The following NELL1 variants were observed in gnomAD, a reference collection of about 807,000 sequenced individuals.
NELL1 encodes neural EGFL like 1.
Under a neutral mutation model 107.4 loss-of-function variants are expected in NELL1, and 76 were observed. That is an observed-to-expected ratio of 0.71 (90% CI 0.59 to 0.86). The LOEUF is 0.86. Among genes scored for constraint, NELL1 ranks in the 40% least tolerant of loss-of-function variants. NELL1 has a pLI of 0.00. For synonymous variants in NELL1, 353 were observed against 341.2 expected (o/e 1.03, Z -0.38); for missense variants, 1,024 against 1,005.5 (o/e 1.02, Z -0.25).
intron 2 of NELL1, among the ~76,000 whole-genome samples, chr11:20,766,518 A>G (rs1856531361): frequency 6.6e-6 from 1 of 152,156 alleles, no homozygotes. Context: ...TAAACAGAAG[A>G]TCTCACCATG....
At chr11:21,505,774 A>G (rs1189080262) in intron 15 of NELL1, among the ~76,000 whole-genome samples, 3 of 152,326 alleles carry the variant, frequency 2.0e-5, no homozygotes, top group East Asian at 3.9e-4. Flanking sequence ...CCCCTCTGCT[A>G]TAACACTTGG....
At chr11:21,320,064 C>A (rs906781178) in intron 14 of NELL1, among the ~76,000 whole-genome samples, 1 of 152,062 alleles carries the variant, frequency 6.6e-6, no homozygotes. Context: ...GATCACGGGA[C>A]TTCATACCTT....
chr11:20,703,780 G>A (rs1224076425), intron 2 of NELL1, among the ~76,000 whole-genome samples: 4 of 152,212 alleles, frequency 2.6e-5, no homozygotes, highest in African/African-American at 2.4e-5. Flanking sequence ...TCATTCAGGA[G>A]CAGGTTGTTC....
intron 9 of NELL1, among the ~76,000 whole-genome samples, chr11:20,931,617 A>G (rs149030157): frequency 5.1e-4 from 78 of 152,330 alleles, no homozygotes; most frequent in African/African-American, 1.8e-3. Flanking sequence ...TGTATCTTGT[A>G]TGAATAACTT....
intron 12 of NELL1, among the ~76,000 whole-genome samples, chr11:20,984,255 A>G (rs967627744): frequency 2.6e-5 from 4 of 152,202 alleles, no homozygotes; most frequent in African/African-American, 9.6e-5. Context: ...ACTGTTTGAT[A>G]CATATATTAT....
At chr11:21,182,815 G>A (rs1856856945) in intron 13 of NELL1, among the ~76,000 whole-genome samples, 1 of 151,744 alleles carries the variant, frequency 6.6e-6, no homozygotes. Context: ...GTTATCTGAG[G>A]GTGCCATAAA....
chr11:21,024,329 A>G (rs1304629221), intron 12 of NELL1, among the ~76,000 whole-genome samples: 1 of 152,082 alleles, frequency 6.6e-6, no homozygotes, highest in East Asian at 1.9e-4. Context: ...TAATTTGACT[A>G]CATTGTCTGT....
chr11:21,436,730 T>A (rs1362799959), intron 15 of NELL1, among the ~76,000 whole-genome samples: 1 of 152,180 alleles, frequency 6.6e-6, no homozygotes, highest in Admixed American at 6.5e-5. Flanking sequence ...GCTAGGTTAT[T>A]TGAAATCTTT....
At chr11:21,165,612 A>G (rs1023487611) in intron 13 of NELL1, among the ~76,000 whole-genome samples, 4 of 149,362 alleles carry the variant, frequency 2.7e-5, no homozygotes, top group Admixed American at 6.6e-5. Flanking sequence ...TTGAAGCGAT[A>G]TCTTCACTCT....
rs1857200443 is a variant in NELL1, at chr11:21,575,585, T to G, written c.*563T>G. 6.6e-6 allele frequency: 1 copy of G among 151,784 alleles called. No individual in the cohort carries two copies. The allele number at this position is 151,784 out of a possible 1,614,324, so 9.4% of individuals were successfully genotyped here. Reference sequence around the variant, plus strand: ...CTGAACCTTCTTAAATGCCTACTCATTCAGCTTAAACAGGCTGAAGCCAAG... The same window carrying G: ...CTGAACCTTCTTAAATGCCTACTCAGTCAGCTTAAACAGGCTGAAGCCAAG... On this transcript the variant is annotated 3_prime_UTR_variant, in exon 20 of 20. Coordinates refer to ENST00000357134, the MANE Select transcript of NELL1 (RefSeq NM_006157.5).
intron 15 of NELL1, among the ~76,000 whole-genome samples, chr11:21,468,327 T>C (rs1854081696): frequency 6.6e-6 from 1 of 152,122 alleles, no homozygotes; most frequent in Non-Finnish European, 1.5e-5. Context: ...ATTACTGTTA[T>C]TTTCTATTCT....
chr11:20,922,525 AT>A (rs1850402053), intron 7 of NELL1, among the ~76,000 whole-genome samples: 1 of 151,988 alleles, frequency 6.6e-6, no homozygotes, highest in Non-Finnish European at 1.5e-5. Flanking sequence ...GAAGTTGAAT[AT>A]GGTTCGCAGA....
At chr11:21,310,921 A>AT (rs1396921561) in intron 14 of NELL1, among the ~76,000 whole-genome samples, 1 of 152,112 alleles carries the variant, frequency 6.6e-6, no homozygotes, top group African/African-American at 2.4e-5. Context: ...AAAGGTTTTA[A>AT]TTTGAATATA....
At chr11:20,887,627 G>A (rs758059446) in intron 5 of NELL1, among the ~76,000 whole-genome samples, 1 of 152,254 alleles carries the variant, frequency 6.6e-6, no homozygotes, top group Admixed American at 6.5e-5. Context: ...TATCCTGTCT[G>A]CATCTCATCT....
At chr11:21,334,567 CCTATTT>C (rs1850344287) in intron 14 of NELL1, among the ~76,000 whole-genome samples, 1 of 151,710 alleles carries the variant, frequency 6.6e-6, no homozygotes, top group South Asian at 2.1e-4. Flanking sequence ...TCTGTTTTCC[CCTATTT>C]CTAAGTCCCT....
intron 15 of NELL1, among the ~76,000 whole-genome samples, chr11:21,404,011 C>CCCT (rs1554905743): frequency 9.1e-6 from 1 of 109,482 alleles, no homozygotes; most frequent in Non-Finnish European, 1.9e-5. Context: ...CTGAACCCCC[C>CCCT]CCCCCGCAAT....
At position 21,413,847 on chromosome 11, in the gene NELL1, G is replaced by T. The variant is rs1852438354; in HGVS notation, c.1645+42899G>T. Among the ~76,000 whole-genome samples, 3 of 152,074 alleles carry T rather than the reference G, an allele frequency of 2.0e-5. No individual in the cohort carries two copies. In the South Asian group the frequency reaches 6.2e-4, roughly 31 times the overall value. ...GAATCAATCCTTCCAGAGGTAAAATGCAGGCCATATTTCATCAGCTGTCAG... is the reference window on the plus strand; with the variant it reads ...GAATCAATCCTTCCAGAGGTAAAATTCAGGCCATATTTCATCAGCTGTCAG... On this transcript the variant is annotated intron_variant, in intron 15 of 19. Coordinates refer to ENST00000357134, the MANE Select transcript of NELL1 (RefSeq NM_006157.5).
intron 2 of NELL1, among the ~76,000 whole-genome samples, chr11:20,727,111 C>A (rs546154140): frequency 8.5e-5 from 13 of 152,268 alleles, no homozygotes; most frequent in Admixed American, 3.3e-4. Context: ...GGTATATACC[C>A]AGTAATGGGA....
rs556797035 is a variant in NELL1, at chr11:21,439,158, A to G, written c.1645+68210A>G. On this transcript the variant is annotated intron_variant, in intron 15 of 19. Transcript: ENST00000357134. ...ATACTAGGCTATAGACAAGTCAACTAAAAATAACTAGACCTAAGAGTCAGA... is the reference window on the plus strand; with the variant it reads ...ATACTAGGCTATAGACAAGTCAACTGAAAATAACTAGACCTAAGAGTCAGA... Among the ~76,000 whole-genome samples the G allele has an allele frequency of 7.9e-5, 12 of 152,096 alleles. No individual in the cohort carries two copies. The East Asian group carries it at 2.2e-3, about 27-fold the overall frequency.
Sources: gnomAD v4.1 joint callset for allele counts (sites outside exome capture counted in the v4.1 genomes callset) on GRCh38, gnomAD v4.1.1 for gene constraint, MANE v1.5 for transcripts, NCBI Gene and HGNC (gene_info 2026-07-23, HGNC 2026-07-21) for gene names.